CNBD1: variants seen among roughly 807,000 people sequenced by gnomAD.
CNBD1 encodes the protein cyclic nucleotide binding domain containing 1.
A neutral mutation model predicts 54.4 loss-of-function variants in CNBD1; 71 were observed. The ratio of observed to expected loss-of-function variants is 1.30; its 90% CI spans 1.08 to 1.59. The LOEUF (loss-of-function observed/expected upper bound fraction) is 1.59, where lower values mean the gene tolerates loss of function less well. Among genes scored for constraint, CNBD1 ranks in the 40% most tolerant of loss-of-function variants. The pLI, the probability that CNBD1 is intolerant of heterozygous loss-of-function variation, is 0.00. For missense variants in CNBD1, 659 were observed against 518.0 expected (o/e 1.27, Z -2.64); for synonymous variants, 182 against 170.7 (o/e 1.07, Z -0.51).
chr8:87,336,093 A>G (rs1809940438), intron 8 of CNBD1, among the ~76,000 whole-genome samples: 2 of 152,110 alleles, frequency 1.3e-5, no homozygotes, highest in South Asian at 4.1e-4. Context: ...TTCCCTTTGT[A>G]GGTGACCTGA....
chr8:87,342,988 CCTT>C (rs1165673667), intron 8 of CNBD1, among the ~76,000 whole-genome samples: 3 of 152,098 alleles, frequency 2.0e-5, no homozygotes, highest in Non-Finnish European at 4.4e-5. Context: ...ATATTTCAGT[CCTT>C]CTCTCGACTG....
At chr8:87,032,588 G>T (rs1336069669) in intron 4 of CNBD1, among the ~76,000 whole-genome samples, 1 of 152,134 alleles carries the variant, frequency 6.6e-6, no homozygotes, top group Non-Finnish European at 1.5e-5. Flanking sequence ...AGGCAGAAAA[G>T]GTGGAGGATG....
At chr8:87,027,408 A>G (rs1374227756) in intron 4 of CNBD1, among the ~76,000 whole-genome samples, 2 of 152,080 alleles carry the variant, frequency 1.3e-5, no homozygotes, top group Non-Finnish European at 2.9e-5. Context: ...AGTAGCTGGA[A>G]CTACAGGCCT....
chr8:87,374,357 A>T (rs1204031878), intron 10 of CNBD1, among the ~76,000 whole-genome samples: 1 of 151,892 alleles, frequency 6.6e-6, no homozygotes, highest in Non-Finnish European at 1.5e-5. Flanking sequence ...GTGTTTCCTA[A>T]GAAATTTGAT....
intron 2 of CNBD1, among the ~76,000 whole-genome samples, chr8:87,390,862 C>G (rs1212161274): frequency 2.6e-5 from 4 of 152,120 alleles, no homozygotes; most frequent in South Asian, 2.1e-4. Flanking sequence ...CAATGATAGA[C>G]TGGATTAAGA....
intron 9 of CNBD1, among the ~76,000 whole-genome samples, chr8:87,352,776 G>A (rs1045617327): frequency 7.2e-5 from 11 of 152,104 alleles, no homozygotes; most frequent in Admixed American, 2.6e-4. Flanking sequence ...AGTTGGTCAG[G>A]GAGACTTCAA....
chr8:87,134,096 T>C (rs1445915938), intron 4 of CNBD1, among the ~76,000 whole-genome samples: 1 of 152,232 alleles, frequency 6.6e-6, no homozygotes, highest in Non-Finnish European at 1.5e-5. Flanking sequence ...CTTTTAAATG[T>C]GTTCATAAAA....
At chr8:87,204,017 T>C (rs1813918491) in intron 4 of CNBD1, among the ~76,000 whole-genome samples, 1 of 152,204 alleles carries the variant, frequency 6.6e-6, no homozygotes, top group Admixed American at 6.5e-5. Flanking sequence ...CTGGCTCCAC[T>C]ACCTGGGAGG....
chr8:86,909,664 T>C (rs1455391480), intron 3 of CNBD1, among the ~76,000 whole-genome samples: 2 of 152,186 alleles, frequency 1.3e-5, no homozygotes, highest in Admixed American at 1.3e-4. Context: ...TGCAGCTCAA[T>C]CTGTTTGCCT....
At chr8:87,094,314 G>T (rs1811275387) in intron 4 of CNBD1, among the ~76,000 whole-genome samples, 1 of 151,982 alleles carries the variant, frequency 6.6e-6, no homozygotes, top group Non-Finnish European at 1.5e-5. Context: ...CCCAAGCTTG[G>T]CATAAATATT....
intron 5 of CNBD1, among the ~76,000 whole-genome samples, chr8:87,228,997 G>A (rs922229733): frequency 3.3e-5 from 5 of 152,290 alleles, no homozygotes; most frequent in Admixed American, 6.5e-5. Flanking sequence ...GGAGTGACCC[G>A]ATTTTCCCGA....
chr8:87,025,351 C>T (rs573654893), intron 4 of CNBD1, among the ~76,000 whole-genome samples: 1 of 152,284 alleles, frequency 6.6e-6, no homozygotes, highest in South Asian at 2.1e-4. Flanking sequence ...TTGCTTTTCA[C>T]AATAAATCTT....
intron 4 of CNBD1, among the ~76,000 whole-genome samples, chr8:86,984,766 A>G: frequency 6.6e-6 from 1 of 152,208 alleles, no homozygotes; most frequent in Non-Finnish European, 1.5e-5. Flanking sequence ...CCATACCCCC[A>G]TTGTATCTAG....
intron 4 of CNBD1, among the ~76,000 whole-genome samples, chr8:87,039,831 G>T (rs1373580256): frequency 3.3e-5 from 5 of 152,116 alleles, no homozygotes; most frequent in Non-Finnish European, 5.9e-5. Flanking sequence ...TCTCCATAGG[G>T]TTGGAGATGA....
In CNBD1 at chr8:87,053,921, G is replaced by A. The variant is rs141259324; in HGVS notation, c.431+114167G>A. ...AAACATAAAACCCCTCTTTCTTTTA[G>A]ATGCCATTGCAATTGGATGCAGAAT... On this transcript the variant is annotated intron_variant, in intron 4 of 10. Transcript: ENST00000518476. Among the ~76,000 whole-genome samples, 277 of 152,290 alleles carry A rather than the reference G, an allele frequency of 1.8e-3. 2 individuals are homozygous for A. Among genetic ancestry groups the A allele is most frequent in the African/African-American group, 6.4e-3 (264 of 41,564 alleles).
At chr8:87,256,158 G>T (rs1188028802) in intron 6 of CNBD1, among the ~76,000 whole-genome samples, 1 of 149,134 alleles carries the variant, frequency 6.7e-6, no homozygotes, top group African/African-American at 2.5e-5. Context: ...CAGTGGCTGG[G>T]ATTACAGGCA....
chr8:86,874,991 TATA>T (rs1808494231), intron 1 of CNBD1, among the ~76,000 whole-genome samples: 3 of 21,958 alleles, frequency 1.4e-4, no homozygotes, highest in Admixed American at 5.7e-4. Context: ...TCAATTTATA[TATA>T]TATATATATA....
chr8:87,355,216 A>G (rs1810397382), intron 10 of CNBD1, among the ~76,000 whole-genome samples: 1 of 152,232 alleles, frequency 6.6e-6, no homozygotes, highest in Admixed American at 6.5e-5. Context: ...TACTGGTGTT[A>G]GAATATATTA....
chr8:86,879,107 ATCTG>A (rs1329665700), intron 1 of CNBD1, among the ~76,000 whole-genome samples: 19 of 152,148 alleles, frequency 1.2e-4, no homozygotes, highest in African/African-American at 4.3e-4. Flanking sequence ...ACTTCCACTT[ATCTG>A]TCTTTGTTAT....
Sources: gnomAD v4.1 joint callset for allele counts (sites outside exome capture counted in the v4.1 genomes callset) on GRCh38, gnomAD v4.1.1 for gene constraint, MANE v1.5 for transcripts, NCBI Gene and HGNC (gene_info 2026-07-23, HGNC 2026-07-21) for gene names.